The following SUGCT variants were observed in gnomAD, a reference collection of about 807,000 sequenced individuals.
SUGCT encodes succinyl-CoA:glutarate-CoA transferase, also known as succinyl-CoA:glutarate CoA-transferase.
In SUGCT, 41 loss-of-function variants were observed where a neutral mutation model predicts 55.0. The observed-to-expected ratio is 0.74, with a 90% CI of 0.58 to 0.97. The LOEUF is 0.97. SUGCT is among the 50% of genes least tolerant of loss of function. The probability of loss-of-function intolerance (pLI) is 0.00; values close to 1 mark genes in which losing one functional copy is unlikely to be tolerated. For synonymous variants in SUGCT, 187 were observed against 200.4 expected (o/e 0.93, Z 0.56); for missense variants, 568 against 547.8 (o/e 1.04, Z -0.37).
chr7:40,486,056 C>T (rs1021234813), intron 11 of SUGCT, among the ~76,000 whole-genome samples: 1 of 152,104 alleles, frequency 6.6e-6, no homozygotes, highest in Admixed American at 6.6e-5. Context: ...ATTCTTTCCT[C>T]TTCAGTTTTT....
chr7:40,531,926 G>A (rs1190782855), intron 12 of SUGCT, among the ~76,000 whole-genome samples: 3 of 152,054 alleles, frequency 2.0e-5, no homozygotes, highest in African/African-American at 7.2e-5. Flanking sequence ...CGCCTGCCTC[G>A]GCCTCCCAAA....
At chr7:40,461,555 C>G (rs1264260794) in intron 11 of SUGCT, among the ~76,000 whole-genome samples, 1 of 152,172 alleles carries the variant, frequency 6.6e-6, no homozygotes, top group Non-Finnish European at 1.5e-5. Flanking sequence ...AAGATGTTGG[C>G]ACCTTTAGGA....
chr7:40,970,216 G>C, the SUGCT span, among the ~76,000 whole-genome samples: 2 of 152,048 alleles, frequency 1.3e-5, no homozygotes, highest in African/African-American at 4.8e-5. Context: ...CTGTGGCCCA[G>C]GCTGGAATGC....
intron 12 of SUGCT, among the ~76,000 whole-genome samples, chr7:40,646,880 C>T (rs185636648): frequency 6.6e-6 from 1 of 152,278 alleles, no homozygotes; most frequent in East Asian, 1.9e-4. Context: ...AGTACAGGGC[C>T]TCCCACTCAA....
At chr7:40,879,431 T>A in the SUGCT span, among the ~76,000 whole-genome samples, 21 of 152,132 alleles carry the variant, frequency 1.4e-4, no homozygotes, top group Non-Finnish European at 2.4e-4. Flanking sequence ...TCAGTATACA[T>A]CTCTAACTCA....
At chr7:40,360,420 T>C (rs1395981735) in intron 9 of SUGCT, among the ~76,000 whole-genome samples, 1 of 152,260 alleles carries the variant, frequency 6.6e-6, no homozygotes, top group Non-Finnish European at 1.5e-5. Context: ...AATTCATTCA[T>C]TGATTTATTA....
intron 13 of SUGCT, chr7:40,793,194 G>T (rs1456859522): frequency 6.6e-6 from 1 of 152,102 alleles, no homozygotes; most frequent in African/African-American, 2.4e-5. Flanking sequence ...TGGGTTTGCA[G>T]AAGAGGTGGA....
intron 9 of SUGCT, among the ~76,000 whole-genome samples, chr7:40,430,836 G>A (rs541907163): frequency 2.0e-5 from 3 of 151,392 alleles, no homozygotes; most frequent in Non-Finnish European, 2.9e-5. Context: ...CCTGTGGGCC[G>A]GGCACTGTGG....
chr7:40,628,972 C>A lies in SUGCT; in HGVS notation c.1090-120462C>A, dbSNP rs187065923. ...GGCCAGGCTGGTCTCAAACTCCTGA[C>A]CTCAGGTGATAGGATTTACTCTGTT... On this transcript the variant is annotated intron_variant, in intron 12 of 13. Coordinates refer to ENST00000335693, the MANE Select transcript of SUGCT (RefSeq NM_001193313.2). Among the ~76,000 whole-genome samples the A allele has an allele frequency of 4.6e-5, 7 of 152,226 alleles. 1 individual carries two copies. The highest frequency in any genetic ancestry group is 2.9e-5 in the Non-Finnish European group (2 of 68,014).
chr7:40,935,030 A>G, the SUGCT span, among the ~76,000 whole-genome samples: 1 of 152,188 alleles, frequency 6.6e-6, no homozygotes, highest in South Asian at 2.1e-4. Flanking sequence ...TGCAGAACAG[A>G]GCTTTTCCAT....
chr7:40,986,647 T>C, the SUGCT span, among the ~76,000 whole-genome samples: 1 of 152,218 alleles, frequency 6.6e-6, no homozygotes. Context: ...TTTTAGCAAG[T>C]ACCTTCATCC....
At chr7:40,866,982 C>CA in the SUGCT span, among the ~76,000 whole-genome samples, 4 of 150,922 alleles carry the variant, frequency 2.7e-5, no homozygotes, top group African/African-American at 7.3e-5. Flanking sequence ...ATTAGCTCGG[C>CA]AAAAAAAGCT....
At chr7:40,916,046 ACTCTCT>A in the SUGCT span, among the ~76,000 whole-genome samples, 345 of 100,428 alleles carry the variant, frequency 3.4e-3, 1 homozygote, top group African/African-American at 0.017. Flanking sequence ...GATGTGGGAC[ACTCTCT>A]CTCTCTCTCT....
intron 11 of SUGCT, among the ~76,000 whole-genome samples, chr7:40,463,203 T>C (rs902816381): frequency 2.6e-5 from 4 of 152,162 alleles, no homozygotes; most frequent in African/African-American, 4.8e-5. Flanking sequence ...CTTTAAAACG[T>C]GAAAATGTGG....
intron 6 of SUGCT, among the ~76,000 whole-genome samples, chr7:40,206,232 A>T (rs554980659): frequency 6.6e-6 from 1 of 152,304 alleles, no homozygotes; most frequent in Non-Finnish European, 1.5e-5. Flanking sequence ...TAAAGAAGCA[A>T]TGTTAGATAA....
chr7:40,327,731 T>G (rs1052494767), intron 9 of SUGCT, among the ~76,000 whole-genome samples: 29 of 152,330 alleles, frequency 1.9e-4, no homozygotes, highest in African/African-American at 7.0e-4. Context: ...GCCTAACATA[T>G]TTGGCTAAAA....
chr7:40,151,034 A>C (rs1475247336), intron 1 of SUGCT, among the ~76,000 whole-genome samples: 1 of 152,104 alleles, frequency 6.6e-6, no homozygotes, highest in Admixed American at 6.6e-5. Flanking sequence ...CAGGAGATTG[A>C]GACCTTGCTG....
chr7:40,837,528 T>C (rs1269996781), intron 13 of SUGCT, among the ~76,000 whole-genome samples: 1 of 152,176 alleles, frequency 6.6e-6, no homozygotes, highest in African/African-American at 2.4e-5. Flanking sequence ...TTTTCTCCTA[T>C]GTTTTTATTC....
the SUGCT span, among the ~76,000 whole-genome samples, chr7:41,019,009 G>A: frequency 2.6e-5 from 4 of 151,526 alleles, no homozygotes; most frequent in African/African-American, 7.3e-5. Context: ...GGGTTCAAGC[G>A]ATTCTCCTGC....
Sources: gnomAD v4.1 joint callset for allele counts (sites outside exome capture counted in the v4.1 genomes callset) on GRCh38, gnomAD v4.1.1 for gene constraint, MANE v1.5 for transcripts, NCBI Gene and HGNC (gene_info 2026-07-23, HGNC 2026-07-21) for gene names.